The following GNAQ variants were observed in gnomAD, a reference collection of about 807,000 sequenced individuals.
GNAQ encodes the protein guanine nucleotide-binding protein G(q) subunit alpha.
In GNAQ, 8 loss-of-function variants were observed where a neutral mutation model predicts 43.9. The observed-to-expected ratio is 0.18, with a 90% confidence interval of 0.11 to 0.33. GNAQ has a LOEUF of 0.33. Ranked by LOEUF, GNAQ falls within the 10% of genes least tolerant of loss-of-function variation. The pLI, the probability that GNAQ is intolerant of heterozygous loss-of-function variation, is 1.00. For synonymous variants in GNAQ, 155 were observed against 170.7 expected (o/e 0.91, Z 0.71); for missense variants, 158 against 450.8 (o/e 0.35, Z 5.88).
At chr9:77,833,582 C>A (rs1191063151) in intron 2 of GNAQ, among the ~76,000 whole-genome samples, 1 of 152,170 alleles carries the variant, frequency 6.6e-6, no homozygotes, top group African/African-American at 2.4e-5. Flanking sequence ...ACAAATGTAT[C>A]CTAGGCTTAA....
At chr9:77,935,434 C>A (rs2118322933) in intron 1 of GNAQ, among the ~76,000 whole-genome samples, 1 of 152,276 alleles carries the variant, frequency 6.6e-6, no homozygotes, top group Admixed American at 6.5e-5. Flanking sequence ...TCTCACTTCT[C>A]CTAAAACAAA....
chr9:77,904,484 C>G (rs1251766078), intron 2 of GNAQ, among the ~76,000 whole-genome samples: 1 of 151,776 alleles, frequency 6.6e-6, no homozygotes, highest in Non-Finnish European at 1.5e-5. Context: ...AGGCGTCTAC[C>G]ACCACGCCTG....
intron 5 of GNAQ, among the ~76,000 whole-genome samples, chr9:77,763,319 T>C (rs892024028): frequency 2.1e-4 from 32 of 152,120 alleles, no homozygotes; most frequent in Admixed American, 2.0e-4. Context: ...TATTATATGT[T>C]GTGATGATAA....
At chr9:77,774,873 A>C (rs1368683073) in intron 5 of GNAQ, among the ~76,000 whole-genome samples, 1 of 152,248 alleles carries the variant, frequency 6.6e-6, no homozygotes, top group Non-Finnish European at 1.5e-5. Context: ...AAATTTAAAA[A>C]TGCAGGTAAG....
At chr9:77,938,182 A>G (rs1829261317) in intron 1 of GNAQ, among the ~76,000 whole-genome samples, 1 of 152,192 alleles carries the variant, frequency 6.6e-6, no homozygotes, top group South Asian at 2.1e-4. Context: ...AATAGTTGTT[A>G]TACTGTATTG....
chr9:77,823,061 T>A (rs1827141611), intron 2 of GNAQ, among the ~76,000 whole-genome samples: 1 of 151,944 alleles, frequency 6.6e-6, no homozygotes. Flanking sequence ...TGCCTCAGCC[T>A]CCTGAGTAGC....
chr9:77,997,324 C>T (rs2118539811), intron 1 of GNAQ, among the ~76,000 whole-genome samples: 1 of 152,322 alleles, frequency 6.6e-6, no homozygotes, highest in South Asian at 2.1e-4. Flanking sequence ...CCCCCTCCTA[C>T]ATTCAATCAG....
chr9:77,755,562 G>T (rs890235434), intron 5 of GNAQ, among the ~76,000 whole-genome samples: 4 of 152,102 alleles, frequency 2.6e-5, no homozygotes, highest in African/African-American at 9.7e-5. Context: ...ATTTTGGTAA[G>T]AACATGTTTG....
intron 1 of GNAQ, among the ~76,000 whole-genome samples, chr9:77,993,675 A>G (rs1305380123): frequency 6.6e-6 from 1 of 151,946 alleles, no homozygotes; most frequent in Non-Finnish European, 1.5e-5. Context: ...GCACTCCAGC[A>G]TGGGCAACAG....
chr9:77,989,871 G>A (rs1395545751), intron 1 of GNAQ, among the ~76,000 whole-genome samples: 2 of 152,116 alleles, frequency 1.3e-5, no homozygotes, highest in Non-Finnish European at 1.5e-5. Context: ...CATCACATTT[G>A]CACAAATGAA....
intron 1 of GNAQ, among the ~76,000 whole-genome samples, chr9:77,985,401 T>C (rs1337615296): frequency 6.6e-6 from 1 of 152,126 alleles, no homozygotes. Flanking sequence ...CATCATATAA[T>C]GGAGGAGACT....
chr9:77,752,608 T>C (rs1317469684), intron 5 of GNAQ, among the ~76,000 whole-genome samples: 1 of 152,172 alleles, frequency 6.6e-6, no homozygotes, highest in Non-Finnish European at 1.5e-5. Context: ...TAGAACTCGG[T>C]TTTCTCAACC....
At chr9:77,972,777 AC>A (rs1267763933) in intron 1 of GNAQ, among the ~76,000 whole-genome samples, 35 of 152,020 alleles carry the variant, frequency 2.3e-4, no homozygotes, top group African/African-American at 8.4e-4. Flanking sequence ...ACATGGGGAA[AC>A]CCCATCTCTA....
At chr9:77,953,604 T>G (rs1279112162) in intron 1 of GNAQ, among the ~76,000 whole-genome samples, 1 of 152,332 alleles carries the variant, frequency 6.6e-6, no homozygotes, top group South Asian at 2.1e-4. Context: ...CAAAAGGCAC[T>G]ACCAGGCAGT....
chr9:77,740,966 T>C (rs1825645126), intron 5 of GNAQ, among the ~76,000 whole-genome samples: 1 of 152,210 alleles, frequency 6.6e-6, no homozygotes, highest in African/African-American at 2.4e-5. Flanking sequence ...CTCTAGACAA[T>C]ATACAACAAA....
intron 2 of GNAQ, among the ~76,000 whole-genome samples, chr9:77,831,966 CA>C (rs1332137644): frequency 6.6e-6 from 1 of 152,160 alleles, no homozygotes; most frequent in Non-Finnish European, 1.5e-5. Context: ...CATTAACCAG[CA>C]GAAGAATCCT....
At chr9:77,809,508 T>A (rs1826880660) in intron 3 of GNAQ, among the ~76,000 whole-genome samples, 1 of 152,202 alleles carries the variant, frequency 6.6e-6, no homozygotes, top group Non-Finnish European at 1.5e-5. Context: ...CATCTGTTTT[T>A]TGTGCTCTTT....
intron 2 of GNAQ, among the ~76,000 whole-genome samples, chr9:77,837,596 G>C (rs1260358757): frequency 4.0e-5 from 6 of 151,334 alleles, no homozygotes. Flanking sequence ...TTCATCATAT[G>C]ATTGATTTTT....
At chr9:77,811,407 A>G (rs1826921617) in intron 3 of GNAQ, among the ~76,000 whole-genome samples, 1 of 152,168 alleles carries the variant, frequency 6.6e-6, no homozygotes, top group South Asian at 2.1e-4. Context: ...AAGATGCACT[A>G]GGGGAATATA....
Sources: gnomAD v4.1 joint callset for allele counts (sites outside exome capture counted in the v4.1 genomes callset) on GRCh38, gnomAD v4.1.1 for gene constraint, MANE v1.5 for transcripts, NCBI Gene and HGNC (gene_info 2026-07-23, HGNC 2026-07-21) for gene names.